KIF24: variants seen among roughly 807,000 people sequenced by gnomAD.
KIF24 encodes kinesin family member 24, also known as kinesin-like protein KIF24.
In KIF24, 81 loss-of-function variants were observed where a neutral mutation model predicts 118.9. The ratio of observed to expected loss-of-function variants is 0.68; its 90% CI spans 0.57 to 0.82. The LOEUF (loss-of-function observed/expected upper bound fraction) is 0.82. KIF24 is among the 40% of genes least tolerant of loss of function. The pLI is 0.00. For synonymous variants in KIF24, 599 were observed against 610.0 expected (o/e 0.98, Z 0.27); for missense variants, 1,560 against 1,661.6 (o/e 0.94, Z 1.06).
chr9:34,256,740 G>A lies in KIF24; in HGVS notation c.2867C>T (p.Ser956Phe), dbSNP rs778669249. The stretch of plus-strand genomic sequence containing the variant: ...GGCATCCTTTCTGAGATCAAAGGAA[G>A]AGCCTCCACCTCTTTCCTGTCTATA... The part of the protein sequence containing the change: ...FIYRQERGGG[S>F]SFDLRKDASQ... Residue 956 changes from serine to phenylalanine, a missense_variant, in exon 11 of 13, where the codon TCT (serine) becomes TTT (phenylalanine). Around this residue, in one of 3 missense-constraint regions of KIF24, gnomAD observed 591 missense variants for 655.6 expected, o/e 0.90. Transcript: ENST00000402558. 15 of 1,613,900 alleles carry A rather than the reference G, an allele frequency of 9.3e-6. No individual in the cohort carries two copies. The highest frequency in any genetic ancestry group is 5.9e-6 in the Non-Finnish European group (7 of 1,179,904).
At chr9:34,290,062 G>T in intron 5 of KIF24, 112 bp downstream of exon 5, 2 of 651,176 alleles carry the variant, frequency 3.1e-6, no homozygotes, top group South Asian at 2.2e-5. Flanking sequence ...TTTCACAAAA[G>T]GGCACTAATG....
intron 1 of KIF24, among the ~76,000 whole-genome samples, chr9:34,320,044 A>G: frequency 6.6e-6 from 1 of 152,074 alleles, no homozygotes; most frequent in Admixed American, 6.5e-5. Flanking sequence ...AAACCACCTC[A>G]GCCACCTCCC....
At chr9:34,283,511 AAAT>A (rs542775840) in intron 6 of KIF24, among the ~76,000 whole-genome samples, 2 of 152,180 alleles carry the variant, frequency 1.3e-5, no homozygotes, top group African/African-American at 2.4e-5. Context: ...TTTTAATTTA[AAAT>A]AATAATAATA....
chr9:34,311,065 A>C lies in KIF24; in HGVS notation c.282T>G (p.Pro94=), dbSNP rs371878825. The C allele has an allele frequency of 4.3e-5, 70 of 1,613,832 alleles. No individual in the cohort carries two copies. The African/African-American group carries it at 8.1e-4, about 19-fold the overall frequency. The change falls in exon 2 of 13, where the codon CCT becomes CCG. Residue 94 remains proline (P), a synonymous_variant. Transcript: ENST00000402558. ...GAGAATCAAAATTCAGCTGTCTGCG[A>C]GGGCCAGATCTTAATTCCTGAGATT... is the stretch of plus-strand genomic sequence containing the variant. ...RIKSQELRSG[P]RRQLNFDSPA...
chr9:34,259,357 C>A (rs974734724), intron 10 of KIF24, among the ~76,000 whole-genome samples: 1 of 152,238 alleles, frequency 6.6e-6, no homozygotes, highest in African/African-American at 2.4e-5. Flanking sequence ...GGGAATGTGT[C>A]ATTTTCCTCT....
chr9:34,300,030 T>C (rs1836638864), intron 3 of KIF24, among the ~76,000 whole-genome samples: 1 of 152,104 alleles, frequency 6.6e-6, no homozygotes, highest in Non-Finnish European at 1.5e-5. Context: ...AAACTGGACT[T>C]GGGCCAATTT....
intron 1 of KIF24, among the ~76,000 whole-genome samples, chr9:34,316,326 C>G (rs1407082573): frequency 1.3e-5 from 2 of 150,336 alleles, no homozygotes; most frequent in East Asian, 3.9e-4. Flanking sequence ...GGCAATAGAG[C>G]GAGACTCTAT....
At chr9:34,270,439 C>G (rs1835460173) in intron 7 of KIF24, among the ~76,000 whole-genome samples, 5 of 151,462 alleles carry the variant, frequency 3.3e-5, no homozygotes, top group Admixed American at 6.6e-5. Flanking sequence ...TGGCGTGAAC[C>G]CGGGAGGCGG....
Position 34,318,618 on chromosome 9 carries a change from T to G in KIF24, c.-25-7247A>C. ...GTGGAGAACATCCTGGTGTCGCCCG[T>G]GGTGGTGGCCTCGTCGTTGGGGCTC... On this transcript the variant is annotated intron_variant, in intron 1 of 12. Transcript: ENST00000402558. The surrounding 1 kb of genome is among the most constrained non-coding windows in gnomAD (Gnocchi z 4.9). The G allele has an allele frequency of 2.0e-6, 3 of 1,508,158 alleles. No individual in the cohort carries two copies. The highest frequency in any genetic ancestry group is 2.7e-6 in the Non-Finnish European group (3 of 1,101,674). The allele number at this position is 1,508,158 out of a possible 1,614,324, so 93.4% of individuals were successfully genotyped here. A position where few individuals can be genotyped will look rare whatever the true frequency, so the allele number is the denominator to read the frequency against.
intron 2 of KIF24, 33 bp downstream of exon 2, chr9:34,310,691 T>G (rs762886808): frequency 1.3e-6 from 2 of 1,530,644 alleles, no homozygotes; most frequent in Non-Finnish European, 1.8e-6. Context: ...GAGGCTACTT[T>G]CCCTCAAAAG....
intron 6 of KIF24, among the ~76,000 whole-genome samples, chr9:34,283,807 A>G (rs774523063): frequency 3.3e-5 from 5 of 152,230 alleles, no homozygotes; most frequent in Admixed American, 2.0e-4. Context: ...TTTATTCTCA[A>G]TCAGGGAAAT....
At chr9:34,290,742 G>T (rs867168976) in intron 4 of KIF24, among the ~76,000 whole-genome samples, 3 of 151,986 alleles carry the variant, frequency 2.0e-5, no homozygotes, top group Admixed American at 6.6e-5. Context: ...TGGAAGTACA[G>T]GTGTGCGCCA....
intron 1 of KIF24, among the ~76,000 whole-genome samples, chr9:34,317,396 A>C (rs1267307767): frequency 1.3e-5 from 2 of 152,094 alleles, no homozygotes; most frequent in East Asian, 1.9e-4. Flanking sequence ...TTAAAAAAAA[A>C]AAAAAGTGCT....
upstream of KIF24, among the ~76,000 whole-genome samples, chr9:34,332,648 C>T (rs80006280): frequency 4.0e-3 from 612 of 152,232 alleles, 22 homozygotes; most frequent in East Asian, 0.11. Flanking sequence ...TCCTAGAAGC[C>T]AATATTTATG....
At chr9:34,298,303 T>C (rs894410042) in intron 3 of KIF24, among the ~76,000 whole-genome samples, 2 of 152,130 alleles carry the variant, frequency 1.3e-5, no homozygotes, top group Non-Finnish European at 2.9e-5. Flanking sequence ...CTCAGCACTT[T>C]GGGAGGCCGA....
At chr9:34,328,170 G>GA (rs1837738908) in intron 1 of KIF24, among the ~76,000 whole-genome samples, 1 of 152,288 alleles carries the variant, frequency 6.6e-6, no homozygotes, top group East Asian at 1.9e-4. Flanking sequence ...GACACCTGAT[G>GA]AATAGATGGA....
rs545775599 is a variant in KIF24, at chr9:34,311,097, G to A, written c.250C>T (p.Arg84Cys). 24 of 1,613,620 alleles carry A rather than the reference G, an allele frequency of 1.5e-5. No individual in the cohort carries two copies. The highest frequency in any genetic ancestry group is 1.6e-4 in the Middle Eastern group (1 of 6,062). The part of the protein sequence containing the change: ...PERHLQTSSL[R>C]IKSQELRSGP... ...GATCTTAATTCCTGAGATTTGATGCGCAGGCTGCTTGTCTGAAGATGACGC... is the reference window on the plus strand; with the variant it reads ...GATCTTAATTCCTGAGATTTGATGCACAGGCTGCTTGTCTGAAGATGACGC... Residue 84 changes from arginine (R) to cysteine (C), a missense_variant, in exon 2 of 13, where the codon CGC (arginine) becomes TGC (cysteine). This residue lies in a region of KIF24 where 964 missense variants were observed against 988.0 expected (regional missense o/e 0.98). Coordinates refer to ENST00000402558, the MANE Select transcript of KIF24 (RefSeq NM_194313.4).
chr9:34,273,382 CTAAG>C (rs923868620), intron 6 of KIF24, among the ~76,000 whole-genome samples: 4 of 130,506 alleles, frequency 3.1e-5, no homozygotes, highest in Non-Finnish European at 4.8e-5. Flanking sequence ...AAGTTATAAA[CTAAG>C]TAAGTAAGTA....
At chr9:34,297,466 T>C (rs548005274) in intron 3 of KIF24, among the ~76,000 whole-genome samples, 133 of 152,192 alleles carry the variant, frequency 8.7e-4, no homozygotes, top group African/African-American at 3.0e-3. Flanking sequence ...TATTTAGAAT[T>C]TTGGAGGAAT....
Sources: gnomAD v4.1 joint callset for allele counts (sites outside exome capture counted in the v4.1 genomes callset) on GRCh38, gnomAD v4.1.1 for gene constraint, gnomAD v4.1.1 regional missense constraint, Gnocchi (gnomAD v3.1) non-coding constraint, MANE v1.5 for transcripts, NCBI Gene and HGNC (gene_info 2026-07-23, HGNC 2026-07-21) for gene names.